Variants in RASSF4 observed in about 807,000 individuals in gnomAD.
RASSF4 encodes the protein ras association domain-containing protein 4.
Under a neutral mutation model 41.1 loss-of-function variants are expected in RASSF4, and 38 were observed. The ratio of observed to expected loss-of-function variants is 0.92; its 90% CI spans 0.71 to 1.21. The LOEUF (loss-of-function observed/expected upper bound fraction) is 1.21, where lower values mean the gene tolerates loss of function less well. RASSF4 is among the 50% of genes most tolerant of loss of function. RASSF4 has a pLI of 0.00. For missense variants in RASSF4, 414 were observed against 419.4 expected (o/e 0.99, Z 0.11); for synonymous variants, 179 against 163.4 (o/e 1.10, Z -0.73).
chr10:44,970,343 G>A (rs886703905), intron 2 of RASSF4, 79 bp downstream of exon 2: 61 of 1,185,120 alleles, frequency 5.1e-5, no homozygotes, highest in Non-Finnish European at 7.7e-5. Flanking sequence ...TTTAGGTGGA[G>A]GGGTTCTGAG....
At chr10:44,991,756 G>A (rs770352839) in intron 9 of RASSF4, 149 bp from the exon 10 acceptor site, 3 of 615,148 alleles carry the variant, frequency 4.9e-6, no homozygotes, top group Non-Finnish European at 5.8e-6. Flanking sequence ...ACACAACACA[G>A]CAGTGTGGGG....
chr10:44,975,045 C>T (rs1044484165), intron 3 of RASSF4, among the ~76,000 whole-genome samples: 2 of 152,116 alleles, frequency 1.3e-5, no homozygotes, highest in Admixed American at 1.3e-4. Context: ...GAGCCCCAGG[C>T]GGCAGGACCT....
chr10:44,967,810 T>A (rs922424526), intron 1 of RASSF4, among the ~76,000 whole-genome samples: 2 of 152,132 alleles, frequency 1.3e-5, no homozygotes, highest in Admixed American at 6.5e-5. Context: ...GAGGGAAGTC[T>A]AAACAAGAGC....
chr10:44,975,928 T>C (rs1247282039), intron 3 of RASSF4, among the ~76,000 whole-genome samples: 3 of 151,944 alleles, frequency 2.0e-5, no homozygotes, highest in African/African-American at 7.3e-5. Flanking sequence ...CCCCGTTTCA[T>C]GATGCTTTGC....
rs780055780 is a variant in RASSF4, at chr10:44,971,805, A to G, written c.95A>G (p.Asn32Ser). The change falls in exon 3 of 11, where the codon AAC becomes AGC. Residue 32 changes from asparagine to serine, a missense_variant. Physicochemically the swap from Asn to Ser is conservative, Grantham distance 46. Coordinates refer to ENST00000340258, the MANE Select transcript of RASSF4 (RefSeq NM_032023.4). ...SELLGLLKTY[N>S]CYHEGKSFQL... ...CTCTTAGGCCTGCTGAAAACCTACA[A>G]CTGCTACCATGAGGGCAAGAGCTTC... 35 of 1,613,674 alleles carry G rather than the reference A, an allele frequency of 2.2e-5. No homozygotes were observed. Among genetic ancestry groups the G allele is most frequent in the Non-Finnish European group, 2.9e-5 (34 of 1,179,726 alleles).
intron 6 of RASSF4, among the ~76,000 whole-genome samples, chr10:44,987,625 A>C (rs1034362990): frequency 3.4e-5 from 4 of 117,334 alleles, no homozygotes; most frequent in East Asian, 6.0e-4. Flanking sequence ...AAAAATGTGC[A>C]CTTTTTTTTT....
In RASSF4 at chr10:44,970,178, G is replaced by A. The variant is rs765082439; in HGVS notation, c.-25G>A. 1.2e-6 allele frequency: 2 copies of A among 1,608,946 alleles called. No individual in the cohort carries two copies. The highest frequency in any genetic ancestry group is 1.1e-5 in the South Asian group (1 of 90,970). ...TTGTCTTCCCAGCAAGTAACTTCTA[G>A]GTCTGCAGACAAGAGGAAGAGAAGA... On this transcript the variant is annotated 5_prime_UTR_variant, in exon 2 of 11. Transcript: ENST00000340258.
intron 1 of RASSF4, among the ~76,000 whole-genome samples, chr10:44,968,549 T>C (rs879945506): frequency 4.6e-5 from 7 of 152,150 alleles, no homozygotes; most frequent in Admixed American, 1.3e-4. Flanking sequence ...TTTCCCTGCC[T>C]CTTGCATCAC....
At chr10:44,989,644 C>T (rs372325891) in intron 7 of RASSF4, 26 bp from the exon 8 acceptor site, 2 of 1,612,848 alleles carry the variant, frequency 1.2e-6, no homozygotes, top group Non-Finnish European at 1.7e-6. Flanking sequence ...GCACCGTGAT[C>T]TGACTTCCTG....
At chr10:44,967,110 G>T (rs746745340) in intron 1 of RASSF4, among the ~76,000 whole-genome samples, 4 of 152,158 alleles carry the variant, frequency 2.6e-5, no homozygotes, top group East Asian at 3.8e-4. Flanking sequence ...GGCTTGTCAC[G>T]GCAGAGGTTT....
At chr10:44,987,671 G>T (rs1018032375) in intron 6 of RASSF4, among the ~76,000 whole-genome samples, 3 of 147,462 alleles carry the variant, frequency 2.0e-5, no homozygotes, top group Non-Finnish European at 4.4e-5. Flanking sequence ...GCAAATTGAA[G>T]GTGTGTGGCA....
chr10:44,971,933 G>A (rs1334461482), intron 3 of RASSF4, 85 bp downstream of exon 3: 4 of 880,582 alleles, frequency 4.5e-6, no homozygotes, highest in East Asian at 2.4e-5. Flanking sequence ...TAATGATGAA[G>A]ACCATCCCCT....
intron 1 of RASSF4, among the ~76,000 whole-genome samples, chr10:44,961,028 G>A (rs1840688766): frequency 6.6e-6 from 1 of 152,176 alleles, no homozygotes; most frequent in African/African-American, 2.4e-5. Flanking sequence ...GGAAGGGAGA[G>A]GGTCAGAGGA....
intron 7 of RASSF4, 97 bp from the exon 8 acceptor site, chr10:44,989,571 CGT>C (rs988575529): frequency 8.8e-7 from 1 of 1,134,476 alleles, no homozygotes; most frequent in African/African-American, 1.5e-5. Flanking sequence ...TTGCAACTTG[CGT>C]GTGTGTTACT....
chr10:44,989,769 C>G, intron 8 of RASSF4, 48 bp downstream of exon 8: 1 of 1,537,042 alleles, frequency 6.5e-7, no homozygotes, highest in Non-Finnish European at 9.0e-7. Context: ...AGGTCTCTAC[C>G]TGTTCAGCAA....
chr10:44,961,551 G>A (rs1465166784), intron 1 of RASSF4, among the ~76,000 whole-genome samples: 1 of 152,196 alleles, frequency 6.6e-6, no homozygotes, highest in Non-Finnish European at 1.5e-5. Context: ...CTGCAGGCAG[G>A]CCTCACATTC....
At position 44,989,299 on chromosome 10, in the gene RASSF4, G is replaced by T. The variant is rs773067152; in HGVS notation, c.557G>T (p.Gly186Val). ...HKTSVFTPAY[G>V]SVTNVRVNST... ...ACCTCCGTGTTTACTCCAGCCTATG[G>T]ATCCGTGACCAATGTGAGGGTCAAC... Residue 186 changes from glycine to valine, a missense_variant, in exon 7 of 11, where the codon GGA becomes GTA. Coordinates refer to ENST00000340258, the MANE Select transcript of RASSF4 (RefSeq NM_032023.4). The T allele has an allele frequency of 6.2e-7, 1 of 1,613,832 alleles. No individual in the cohort carries two copies. Among genetic ancestry groups the T allele is most frequent in the Non-Finnish European group, 8.5e-7 (1 of 1,179,746 alleles).
Position 44,995,676 on chromosome 10 carries a change from ACAT to A in RASSF4, c.*2351_*2353del, listed in dbSNP as rs1463533548. ...AGTTCACACCTTTTTTTCTAAATCA[ACAT>A]CATATTTGCTGTTCAGAGGCAATCT... On this transcript the variant is annotated 3_prime_UTR_variant, in exon 11 of 11. Coordinates refer to ENST00000340258, the MANE Select transcript of RASSF4 (RefSeq NM_032023.4). The A allele has an allele frequency of 6.6e-6, 1 of 152,130 alleles. No homozygotes were observed. The highest frequency in any genetic ancestry group is 1.5e-5 in the Non-Finnish European group (1 of 68,014). The allele number at this position is 152,130 out of a possible 1,614,324, so 9.4% of individuals were successfully genotyped here.
chr10:44,985,075 C>A, intron 6 of RASSF4, 105 bp downstream of exon 6: 1 of 1,316,410 alleles, frequency 7.6e-7, no homozygotes, highest in Non-Finnish European at 1.0e-6. Flanking sequence ...CATTCCTGTG[C>A]CCTCAGGAGG....
Sources: allele counts gnomAD v4.1 joint callset (sites outside exome capture counted in the v4.1 genomes callset), GRCh38; gene constraint gnomAD v4.1.1; transcripts MANE v1.5; gene names NCBI Gene and HGNC (gene_info 2026-07-23, HGNC 2026-07-21).